TIAM2: variants seen among roughly 807,000 people sequenced by gnomAD.
TIAM2 encodes the protein rho guanine nucleotide exchange factor TIAM2.
TIAM2 carries 80 observed loss-of-function variants against 152.9 expected under a neutral mutation model. That is an observed-to-expected ratio of 0.52 (90% CI 0.44 to 0.63). The LOEUF (loss-of-function observed/expected upper bound fraction) is 0.63. Ranked by LOEUF, TIAM2 falls within the 30% of genes least tolerant of loss-of-function variation. The probability of loss-of-function intolerance (pLI) is 0.00; values close to 1 mark genes in which losing one functional copy is unlikely to be tolerated. For synonymous variants in TIAM2, 804 were observed against 838.0 expected, an observed-to-expected ratio of 0.96 and a Z score of 0.70; for missense variants, 1,965 against 2,120.1, an observed-to-expected ratio of 0.93 and a Z score of 1.44.
chr6:155,176,617 T>G lies in TIAM2; in HGVS notation c.2362-199T>G, dbSNP rs113089773. Among the ~76,000 whole-genome samples, 1,390 of 152,338 alleles carry G rather than the reference T, an allele frequency of 9.1e-3. 20 individuals are homozygous for G. Among genetic ancestry groups the G allele is most frequent in the African/African-American group, 0.032 (1,338 of 41,582 alleles). On this transcript the variant is annotated intron_variant, in intron 9 of 26. Coordinates refer to ENST00000682666, the MANE Select transcript of TIAM2 (RefSeq NM_012454.4). ...GACAGGCAGTCACTAACTTTCACTC[T>G]GCTTCCCATGGCTGCAGTTTCATCT... is the stretch of plus-strand genomic sequence containing the variant.
chr6:155,114,036 ATTTTTTTTTTTT>A (rs869241399), intron 2 of TIAM2, among the ~76,000 whole-genome samples: 1,255 of 34,590 alleles, frequency 0.036, 53 homozygotes, highest in African/African-American at 0.14. Flanking sequence ...ATATATATAT[ATTTTTTTTTTTT>A]TCTTTTTTTT....
rs1583159413 is a variant in TIAM2 at position 155,029,470 on chromosome 6, ACTATAGTATAT to A, written c.-209+33979_-209+33989del. ...ATAGTATATATTATATATAATATATACTATAGTATATATACTATAGTATATATTATATATAA... is the reference window on the plus strand; with the variant it reads ...ATAGTATATATTATATATAATATATAATACTATAGTATATATTATATATAA... On this transcript the variant is annotated intron_variant, in intron 1 of 26. Coordinates refer to ENST00000682666, the MANE Select transcript of TIAM2 (RefSeq NM_012454.4). 6.2e-5 allele frequency among the ~76,000 whole-genome samples: 3 copies of A among 48,252 alleles called. No individual in the cohort carries two copies. The East Asian group carries it at 1.2e-3, about 20-fold the overall frequency. The allele number at this position is 48,252 out of a possible 152,430, so 31.7% of individuals were successfully genotyped here. A position where few individuals can be genotyped will look rare whatever the true frequency, so the allele number is the denominator to read the frequency against.
At chr6:155,238,412 A>T (rs1782877302) in intron 15 of TIAM2, among the ~76,000 whole-genome samples, 1 of 152,208 alleles carries the variant, frequency 6.6e-6, no homozygotes, top group South Asian at 2.1e-4. Flanking sequence ...CCTGTTACCC[A>T]GCTCTGAAGT....
At chr6:155,070,208 A>ATTTTTT (rs1777806540) in intron 1 of TIAM2, among the ~76,000 whole-genome samples, 1 of 79,352 alleles carries the variant, frequency 1.3e-5, no homozygotes, top group African/African-American at 6.3e-5. Flanking sequence ...GCCTGGCCAG[A>ATTTTTT]CTTTTTTTTT....
At chr6:155,194,861 G>A (rs1242459303) in intron 14 of TIAM2, among the ~76,000 whole-genome samples, 1 of 152,102 alleles carries the variant, frequency 6.6e-6, no homozygotes, top group Non-Finnish European at 1.5e-5. Context: ...TTATGGGGGC[G>A]GTTTCCCCCA....
In TIAM2 at chr6:155,062,079, C is replaced by T. The variant is rs1430526045; in HGVS notation, c.-208-28210C>T. ...TGGCTTACCCTCGCCACCGCCCCTG[C>T]ATCTCGCCCCCCCACCGCCCCCGCG... is the stretch of plus-strand genomic sequence containing the variant. On this transcript the variant is annotated intron_variant, in intron 1 of 26. Coordinates refer to ENST00000682666, the MANE Select transcript of TIAM2 (RefSeq NM_012454.4). Among the ~76,000 whole-genome samples, 4 of 149,600 alleles carry T rather than the reference C, an allele frequency of 2.7e-5. No homozygotes were observed. The East Asian group carries it at 6.0e-4, about 22-fold the overall frequency.
rs140547377 is a variant in TIAM2 at position 155,158,334 on chromosome 6, G to A, written c.2029-6081G>A. ...TAACCTTTCTGAGTTCATTAAATCA[G>A]TAAAGCTGTGTTAGCAATAAAGAGG... On this transcript the variant is annotated intron_variant, in intron 7 of 26. Coordinates refer to ENST00000682666, the MANE Select transcript of TIAM2 (RefSeq NM_012454.4). Among the ~76,000 whole-genome samples the A allele has an allele frequency of 9.2e-5, 14 of 152,246 alleles. 1 individual carries two copies. The highest frequency in any genetic ancestry group is 3.9e-4 in the East Asian group (2 of 5,184).
intron 15 of TIAM2, among the ~76,000 whole-genome samples, chr6:155,234,006 G>GT (rs1782608515): frequency 3.3e-5 from 5 of 151,196 alleles, no homozygotes; most frequent in African/African-American, 9.8e-5. Context: ...TTTTTTTTGG[G>GT]GGGGGGTTGG....
At position 155,156,865 on chromosome 6, in the gene TIAM2, C is replaced by T. The variant is rs149731213; in HGVS notation, c.2029-7550C>T. On this transcript the variant is annotated intron_variant, in intron 7 of 26. Transcript: ENST00000682666. The surrounding 1 kb of genome is among the most constrained non-coding windows in gnomAD (Gnocchi z 4.4). ...GTGCCCTGCTCCCCTCCGCCCTCTT[C>T]ATCTGGCTCACCCCTTCTCGACTGT... 4.7e-4 allele frequency among the ~76,000 whole-genome samples: 71 copies of T among 152,272 alleles called. No individual in the cohort carries two copies. Among genetic ancestry groups the T allele is most frequent in the Non-Finnish European group, 8.8e-4 (60 of 68,014 alleles).
intron 1 of TIAM2, among the ~76,000 whole-genome samples, chr6:155,068,605 C>CCCG (rs950493523): frequency 2.0e-5 from 3 of 148,312 alleles, no homozygotes; most frequent in Non-Finnish European, 3.0e-5. Context: ...GGCACCCGCC[C>CCCG]CCCCATCACG....
chr6:155,034,157 T>C (rs1361082533), intron 1 of TIAM2, among the ~76,000 whole-genome samples: 1 of 152,156 alleles, frequency 6.6e-6, no homozygotes, highest in Non-Finnish European at 1.5e-5. Context: ...TAATTTTTGC[T>C]TTGCCCCTGC....
intron 15 of TIAM2, chr6:155,232,724 C>T (rs1394876800): frequency 2.0e-5 from 3 of 152,030 alleles, no homozygotes; most frequent in Non-Finnish European, 4.4e-5. Flanking sequence ...AGGGATCTCC[C>T]GCCAGGGATC....
chr6:155,042,788 ACT>A (rs199855172), intron 1 of TIAM2, among the ~76,000 whole-genome samples: 1 of 137,822 alleles, frequency 7.3e-6, no homozygotes, highest in African/African-American at 2.9e-5. Context: ...CTGAAAATCT[ACT>A]CTCAGCATTT....
Position 155,094,817 on chromosome 6 carries a change from A to G in TIAM2, c.-118+4438A>G, listed in dbSNP as rs371532679. Among the ~76,000 whole-genome samples the G allele has an allele frequency of 1.1e-4, 16 of 150,874 alleles. No individual in the cohort carries two copies. The East Asian group carries it at 2.0e-3, about 18-fold the overall frequency. ...AGGCTGGTCTTGAATTCCTGAGCTC[A>G]AGTGATCCGCCCGCGTCAGCCTCCC... is the stretch of plus-strand genomic sequence containing the variant. On this transcript the variant is annotated intron_variant, in intron 2 of 26. Coordinates refer to ENST00000682666, the MANE Select transcript of TIAM2 (RefSeq NM_012454.4).
At chr6:155,211,434 A>G (rs2115214289) in intron 15 of TIAM2, 127 bp downstream of exon 15, 1 of 648,542 alleles carries the variant, frequency 1.5e-6, no homozygotes, top group South Asian at 1.9e-5. Context: ...ACAAACATAC[A>G]TATATATGTT....
At chr6:155,148,080 G>C (rs767180798) in intron 6 of TIAM2, 30 bp from the exon 7 acceptor site, 1 of 1,609,794 alleles carries the variant, frequency 6.2e-7, no homozygotes, top group Non-Finnish European at 8.5e-7. Context: ...AAAATGATTC[G>C]AAACAGGCTT....
chr6:155,044,211 T>C (rs906380585), intron 1 of TIAM2, among the ~76,000 whole-genome samples: 18 of 151,998 alleles, frequency 1.2e-4, no homozygotes, highest in African/African-American at 3.4e-4. Context: ...ATACAAGAGG[T>C]CACTCGTCCT....
rs1053692873 is a variant in TIAM2 at position 155,195,572 on chromosome 6, T to A, written c.3064+12072T>A. ...CACGTGGAGCTTACTTGTATTTTAG[T>A]GTGTGGACATACAGAGTAAGCGGGA... On this transcript the variant is annotated intron_variant, in intron 14 of 26. Coordinates refer to ENST00000682666, the MANE Select transcript of TIAM2 (RefSeq NM_012454.4). Among the ~76,000 whole-genome samples, 4 of 152,162 alleles carry A rather than the reference T, an allele frequency of 2.6e-5. 1 individual carries two copies. Among genetic ancestry groups the A allele is most frequent in the African/African-American group, 7.2e-5 (3 of 41,538 alleles).
At chr6:155,235,087 C>T (rs1782687235) in intron 15 of TIAM2, among the ~76,000 whole-genome samples, 1 of 151,972 alleles carries the variant, frequency 6.6e-6, no homozygotes, top group Admixed American at 6.5e-5. Context: ...GGAACGGGCC[C>T]TGTGCCATTT....
Sources: gnomAD v4.1 joint callset for allele counts (sites outside exome capture counted in the v4.1 genomes callset) on GRCh38, gnomAD v4.1.1 for gene constraint, Gnocchi (gnomAD v3.1) non-coding constraint, MANE v1.5 for transcripts, NCBI Gene and HGNC (gene_info 2026-07-23, HGNC 2026-07-21) for gene names.